Variants in BCAT1 observed in about 807,000 individuals in gnomAD.
BCAT1 encodes branched-chain-amino-acid aminotransferase, cytosolic.
In BCAT1, 48 loss-of-function variants were observed where a neutral mutation model predicts 52.4. The observed-to-expected ratio is 0.92, with a 90% CI of 0.73 to 1.16. BCAT1 has a LOEUF of 1.16. Ranked by LOEUF, BCAT1 falls within the 50% of genes most tolerant of loss-of-function variation. The probability of loss-of-function intolerance (pLI) is 0.00; values close to 1 mark genes in which losing one functional copy is unlikely to be tolerated. For synonymous variants in BCAT1, 167 were observed against 161.3 expected (o/e 1.04, Z -0.27); for missense variants, 451 against 457.1 (o/e 0.99, Z 0.12).
chr12:24,903,064 G>T, intron 1 of BCAT1: 6 of 1,393,236 alleles, frequency 4.3e-6, no homozygotes, highest in Non-Finnish European at 5.5e-6. Context: ...AAAGCAGGCG[G>T]TGTGGCCAAG....
At chr12:24,887,061 T>TAAAAATAAA (rs1207898454) in intron 3 of BCAT1, among the ~76,000 whole-genome samples, 13 of 7,590 alleles carry the variant, frequency 1.7e-3, no homozygotes, top group Middle Eastern at 0.083. Flanking sequence ...AGATGCTAGC[T>TAAAAATAAA]AAAAAAAAAA....
chr12:24,837,436 ATT>A (rs35427447), intron 7 of BCAT1, among the ~76,000 whole-genome samples: 41,468 of 121,292 alleles, frequency 0.34, 7,301 homozygotes, highest in Non-Finnish European at 0.43. Flanking sequence ...GGAAAGTCTA[ATT>A]TTTTTTTTTT....
chr12:24,887,072 A>AAAAT (rs1474959089), intron 3 of BCAT1, among the ~76,000 whole-genome samples: 1 of 95,866 alleles, frequency 1.0e-5, no homozygotes, highest in African/African-American at 4.2e-5. Context: ...AAAAAAAAAA[A>AAAAT]AAAAAAAAAT....
rs368081880 is a variant in BCAT1, at chr12:24,901,809, C to A, written c.78+5G>T. 6.2e-7 allele frequency: 1 copy of A among 1,612,994 alleles called. No homozygotes were observed. Among genetic ancestry groups the A allele is most frequent in the South Asian group, 1.1e-5 (1 of 90,980 alleles). On this transcript the variant is annotated splice_donor_5th_base_variant and intron_variant, in intron 2 of 10. Coordinates refer to ENST00000261192, the MANE Select transcript of BCAT1 (RefSeq NM_005504.7). Reference sequence around the variant, plus strand: ...TAGACACTAAGCCTCTGGCAAGCAACTTACCTTAAAAGTCCCCACCACCTC... The same window carrying A: ...TAGACACTAAGCCTCTGGCAAGCAAATTACCTTAAAAGTCCCCACCACCTC...
At chr12:24,867,337 C>T (rs992882150) in intron 5 of BCAT1, among the ~76,000 whole-genome samples, 2 of 128,818 alleles carry the variant, frequency 1.6e-5, no homozygotes, top group Non-Finnish European at 3.3e-5. Context: ...TCGAAAATAT[C>T]TTTTTTTTTT....
intron 8 of BCAT1, among the ~76,000 whole-genome samples, chr12:24,835,857 C>T (rs1413932934): frequency 6.6e-6 from 1 of 152,116 alleles, no homozygotes; most frequent in Non-Finnish European, 1.5e-5. Context: ...TCCCAAAATG[C>T]TAGAATTATA....
At chr12:24,831,208 C>T (rs1259770171) in intron 9 of BCAT1, among the ~76,000 whole-genome samples, 6 of 152,156 alleles carry the variant, frequency 3.9e-5, no homozygotes, top group Non-Finnish European at 5.9e-5. Context: ...ATTTTCCCTT[C>T]CCCATGATTT....
intron 1 of BCAT1, among the ~76,000 whole-genome samples, chr12:24,943,773 A>G (rs1388610194): frequency 6.6e-6 from 1 of 152,222 alleles, no homozygotes; most frequent in African/African-American, 2.4e-5. Context: ...TCACGAGGTC[A>G]GGAGATCAAG....
intron 6 of BCAT1, among the ~76,000 whole-genome samples, chr12:24,844,053 G>A (rs558869987): frequency 6.6e-6 from 1 of 152,264 alleles, no homozygotes; most frequent in South Asian, 2.1e-4. Context: ...AGAAAAAGGG[G>A]GATGTGCAAA....
At chr12:24,925,899 T>G (rs955007446) in intron 1 of BCAT1, among the ~76,000 whole-genome samples, 7 of 152,248 alleles carry the variant, frequency 4.6e-5, no homozygotes, top group African/African-American at 1.7e-4. Context: ...GTGCTCAATG[T>G]TGCCCAAGCT....
At chr12:24,903,199 A>G in intron 1 of BCAT1, 1 of 1,106,192 alleles carries the variant, frequency 9.0e-7, no homozygotes, top group Non-Finnish European at 1.2e-6. Flanking sequence ...GTCTCGTCCC[A>G]GTCTGTCTGC....
intron 1 of BCAT1, among the ~76,000 whole-genome samples, chr12:24,936,159 AG>A (rs1270047502): frequency 6.6e-6 from 1 of 152,220 alleles, no homozygotes; most frequent in Admixed American, 6.5e-5. Context: ...CACCATTTCC[AG>A]GTACCAAAAT....
At chr12:24,858,250 A>G (rs1055680380) in intron 5 of BCAT1, among the ~76,000 whole-genome samples, 10 of 152,220 alleles carry the variant, frequency 6.6e-5, no homozygotes, top group Admixed American at 2.6e-4. Flanking sequence ...TGTATGTGTG[A>G]TATGCATAGA....
chr12:24,876,919 C>T (rs1162803875), intron 5 of BCAT1, among the ~76,000 whole-genome samples: 1 of 151,802 alleles, frequency 6.6e-6, no homozygotes, highest in Non-Finnish European at 1.5e-5. Flanking sequence ...ACCTATATAA[C>T]ACACCTACCT....
chr12:24,829,856 T>C lies in BCAT1; in HGVS notation c.1086A>G (p.Ala362=), dbSNP rs766305897. The change falls in exon 10 of 11, where the codon GCA becomes GCG. Residue 362 remains alanine (A), a synonymous_variant. Coordinates refer to ENST00000261192, the MANE Select transcript of BCAT1 (RefSeq NM_005504.7). The stretch of plus-strand genomic sequence containing the variant: ...CAGTTAATTTGCTCAAGATGCGGCT[T>C]GCCAGCTTAGGACCATTCTCCATAG... The part of the protein sequence containing the change: ...IPTMENGPKL[A]SRILSKLTDI... 6.2e-7 allele frequency: 1 copy of C among 1,612,236 alleles called. No individual in the cohort carries two copies. The highest frequency in any genetic ancestry group is 1.1e-5 in the South Asian group (1 of 90,586).
intron 1 of BCAT1, among the ~76,000 whole-genome samples, chr12:24,946,523 G>T (rs1943934977): frequency 6.6e-6 from 1 of 152,190 alleles, no homozygotes; most frequent in Non-Finnish European, 1.5e-5. Flanking sequence ...ATAAACTATT[G>T]ATAGGCTAAA....
At chr12:24,855,658 G>C (rs1029048097) in intron 5 of BCAT1, among the ~76,000 whole-genome samples, 1 of 152,154 alleles carries the variant, frequency 6.6e-6, no homozygotes, top group Non-Finnish European at 1.5e-5. Flanking sequence ...TGGGATTACA[G>C]GCGTGAACTA....
At chr12:24,835,675 C>A (rs1413268245) in intron 8 of BCAT1, among the ~76,000 whole-genome samples, 2 of 151,936 alleles carry the variant, frequency 1.3e-5, no homozygotes, top group Non-Finnish European at 2.9e-5. Context: ...GCGACCTTGA[C>A]CTCCAGATCT....
At chr12:24,926,544 G>A (rs1464702442) in intron 1 of BCAT1, among the ~76,000 whole-genome samples, 9 of 152,260 alleles carry the variant, frequency 5.9e-5, no homozygotes, top group African/African-American at 2.2e-4. Flanking sequence ...AAAAGATAGA[G>A]AAATCAGATT....
Sources: allele counts gnomAD v4.1 joint callset (sites outside exome capture counted in the v4.1 genomes callset), GRCh38; gene constraint gnomAD v4.1.1; transcripts MANE v1.5; gene names NCBI Gene and HGNC (gene_info 2026-07-23, HGNC 2026-07-21).